The following ANKMY1 variants were observed in gnomAD, a reference collection of about 807,000 sequenced individuals.
ANKMY1 encodes ankyrin repeat and MYND domain containing 1.
ANKMY1 carries 98 observed loss-of-function variants against 102.0 expected under a neutral mutation model. The ratio of observed to expected loss-of-function variants is 0.96; its 90% CI spans 0.82 to 1.14. ANKMY1 has a LOEUF of 1.14. ANKMY1 is among the 50% of genes most tolerant of loss of function. ANKMY1 has a pLI of 0.00. For synonymous variants in ANKMY1, 582 were observed against 559.9 expected (o/e 1.04, Z -0.56); for missense variants, 1,330 against 1,347.6 (o/e 0.99, Z 0.20).
chr2:240,560,401 G>A (rs1042000068), upstream of ANKMY1: 25 of 310,884 alleles, frequency 8.0e-5, no homozygotes, highest in Non-Finnish European at 1.3e-4. Flanking sequence ...CGGGGAGGAC[G>A]GCGCCCGGGG....
intron 4 of ANKMY1, among the ~76,000 whole-genome samples, chr2:240,547,847 G>A (rs1248145200): frequency 2.0e-5 from 3 of 150,304 alleles, no homozygotes; most frequent in Non-Finnish European, 4.5e-5. Flanking sequence ...CCAATAACAG[G>A]AGCTGAAATT....
At chr2:240,494,709 A>T (rs531641316) in intron 15 of ANKMY1, among the ~76,000 whole-genome samples, 12 of 152,248 alleles carry the variant, frequency 7.9e-5, no homozygotes, top group African/African-American at 2.6e-4. Context: ...TCCATCCCAC[A>T]GTCTCCTGGA....
chr2:240,504,998 C>A, intron 13 of ANKMY1, among the ~76,000 whole-genome samples: 1 of 151,218 alleles, frequency 6.6e-6, no homozygotes, highest in Non-Finnish European at 1.5e-5. Flanking sequence ...CACACACACA[C>A]ACATACACAC....
intron 4 of ANKMY1, among the ~76,000 whole-genome samples, chr2:240,548,236 C>T (rs941245120): frequency 2.0e-5 from 3 of 152,114 alleles, no homozygotes; most frequent in Non-Finnish European, 4.4e-5. Flanking sequence ...TGTAATCCAG[C>T]GTATAAACAG....
Position 240,506,613 on chromosome 2 carries a change from G to A in ANKMY1, c.2526+947C>T, listed in dbSNP as rs140863480. 5.1e-3 allele frequency among the ~76,000 whole-genome samples: 772 copies of A among 151,566 alleles called. 5 individuals are homozygous for A. Among genetic ancestry groups the A allele is most frequent in the African/African-American group, 0.018 (735 of 41,274 alleles). On this transcript the variant is annotated intron_variant, in intron 13 of 17. Coordinates refer to ENST00000401804, the MANE Select transcript of ANKMY1 (RefSeq NM_001282771.3). The surrounding 1 kb of genome is among the most constrained non-coding windows in gnomAD (Gnocchi z 4.9). ...GAGTCTCGCCCTTCCCCTTCCAAATGCCTGGGTCTCGCCCCCCATTCCAGA... is the reference window on the plus strand; with the variant it reads ...GAGTCTCGCCCTTCCCCTTCCAAATACCTGGGTCTCGCCCCCCATTCCAGA...
rs1200400498 is a variant in ANKMY1, at chr2:240,524,355, T to C, written c.1362A>G (p.Pro454=). The C allele has an allele frequency of 1.3e-6, 2 of 1,595,124 alleles. No individual in the cohort carries two copies. Among genetic ancestry groups the C allele is most frequent in the African/African-American group, 2.7e-5 (2 of 74,192 alleles). The part of the protein sequence containing the change: ...PQEPPKFPVV[P]ILSSSFMDTN... ...TGTCCATAAATGATGATGAAAGGATTGGAACAACTGGGAATTTTGGAGGTT... is the reference window on the plus strand; with the variant it reads ...TGTCCATAAATGATGATGAAAGGATCGGAACAACTGGGAATTTTGGAGGTT... Residue 454 remains proline, a synonymous_variant, in exon 8 of 18, where the codon CCA becomes CCG. Transcript: ENST00000401804.
At chr2:240,532,003 T>G in intron 4 of ANKMY1, 1 of 382,054 alleles carries the variant, frequency 2.6e-6, no homozygotes, top group Non-Finnish European at 5.5e-6. Flanking sequence ...ACATAGAGGG[T>G]ATTGTGAGTA....
Position 240,480,931 on chromosome 2 carries a change from A to G in ANKMY1, c.3046+6T>C. 1 of 1,603,114 alleles carries G rather than the reference A, an allele frequency of 6.2e-7. No individual in the cohort carries two copies. The highest frequency in any genetic ancestry group is 8.5e-7 in the Non-Finnish European group (1 of 1,171,242). On this transcript the variant is annotated splice_donor_region_variant and intron_variant, in intron 17 of 17. Coordinates refer to ENST00000401804, the MANE Select transcript of ANKMY1 (RefSeq NM_001282771.3). ...CCCTTGCCTCCCAGCCTGAGGGCCG[A>G]CCTACCGATGGCCACCAGGTCCCCG...
At chr2:240,527,734 T>G (rs1251535857) in intron 5 of ANKMY1, 4 of 152,508 alleles carry the variant, frequency 2.6e-5, no homozygotes, top group African/African-American at 9.7e-5. Context: ...AATTGATGGA[T>G]GAATGGATGG....
intron 13 of ANKMY1, among the ~76,000 whole-genome samples, chr2:240,501,811 T>C (rs992222284): frequency 4.6e-5 from 7 of 152,188 alleles, no homozygotes; most frequent in Admixed American, 3.9e-4. Flanking sequence ...GTGGAGTTTA[T>C]ACAGATTCCT....
intron 4 of ANKMY1, among the ~76,000 whole-genome samples, chr2:240,538,914 A>T (rs1449121787): frequency 6.6e-6 from 1 of 152,150 alleles, no homozygotes; most frequent in Non-Finnish European, 1.5e-5. Context: ...GGGGACTTGG[A>T]GAACTTTTAT....
At chr2:240,509,218 TG>T in intron 12 of ANKMY1, 129 bp downstream of exon 12, 1 of 683,892 alleles carries the variant, frequency 1.5e-6, no homozygotes, top group Non-Finnish European at 2.3e-6. Flanking sequence ...GATGGGTGGA[TG>T]GATGAATGGA....
At chr2:240,550,525 TA>T (rs1205281225) in intron 4 of ANKMY1, among the ~76,000 whole-genome samples, 4 of 150,822 alleles carry the variant, frequency 2.7e-5, no homozygotes, top group Non-Finnish European at 4.4e-5. Flanking sequence ...ATAATAAATT[TA>T]AAAAAAAAGA....
chr2:240,528,713 G>C (rs2084494042), intron 5 of ANKMY1, among the ~76,000 whole-genome samples: 1 of 152,176 alleles, frequency 6.6e-6, no homozygotes, highest in Non-Finnish European at 1.5e-5. Context: ...TTCTACACCA[G>C]CCTCGGGACT....
At chr2:240,560,614 A>T (rs1468307196), upstream of ANKMY1, 40 of 1,360,808 alleles carry the variant, frequency 2.9e-5, no homozygotes, top group East Asian at 1.0e-3. Flanking sequence ...CCACAAATAG[A>T]CTCCTGGGCG....
the ANKMY1 span, among the ~76,000 whole-genome samples, chr2:240,472,454 A>ACCG: frequency 6.6e-6 from 1 of 152,138 alleles, no homozygotes; most frequent in African/African-American, 2.4e-5. Flanking sequence ...TGAGCCTTAA[A>ACCG]CCAGCCTTGT....
chr2:240,518,926 C>T (rs574101866), intron 9 of ANKMY1, among the ~76,000 whole-genome samples: 43 of 152,286 alleles, frequency 2.8e-4, no homozygotes, highest in Admixed American at 4.6e-4. Flanking sequence ...CAGTGAGACC[C>T]GCCTGCCCTC....
intron 10 of ANKMY1, 82 bp downstream of exon 10, chr2:240,512,720 A>T: frequency 6.8e-7 from 1 of 1,467,946 alleles, no homozygotes; most frequent in African/African-American, 1.4e-5. Context: ...CTCGGCAAGC[A>T]CAGGCTAGGC....
At position 240,500,032 on chromosome 2, in the gene ANKMY1, C is replaced by G; in HGVS notation, c.2732G>C (p.Gly911Ala). The change falls in exon 15 of 18, where the codon GGC becomes GCC. Residue 911 changes from glycine to alanine, a missense_variant. By Grantham distance (60) the Gly-to-Ala change is moderately conservative (BLOSUM62 0). Coordinates refer to ENST00000401804, the MANE Select transcript of ANKMY1 (RefSeq NM_001282771.3). ...LARKRLLEYM[G>A]LQLRQAVFAK... ...AAAGACAGCCTGCCGTAGCTGCAAGCCCATGTACTCCAGGAGCCGCTTCCG... is the reference window on the plus strand; with the variant it reads ...AAAGACAGCCTGCCGTAGCTGCAAGGCCATGTACTCCAGGAGCCGCTTCCG... 1 of 1,613,068 alleles carries G rather than the reference C, an allele frequency of 6.2e-7. No homozygotes were observed. Among genetic ancestry groups the G allele is most frequent in the Non-Finnish European group, 8.5e-7 (1 of 1,179,810 alleles).
Sources: allele counts gnomAD v4.1 joint callset (sites outside exome capture counted in the v4.1 genomes callset), GRCh38; gene constraint gnomAD v4.1.1; non-coding constraint Gnocchi (gnomAD v3.1); transcripts MANE v1.5; gene names NCBI Gene and HGNC (gene_info 2026-07-23, HGNC 2026-07-21).